IST1: variants seen among roughly 807,000 people sequenced by gnomAD.
IST1 encodes the protein IST1 factor associated with ESCRT-III, also known as IST1 homolog.
In IST1, 23 loss-of-function variants were observed where a neutral mutation model predicts 37.0. The ratio of observed to expected loss-of-function variants is 0.62; its 90% CI spans 0.45 to 0.88. The LOEUF (loss-of-function observed/expected upper bound fraction) is 0.88, where lower values mean the gene tolerates loss of function less well. Ranked by LOEUF, IST1 falls within the 40% of genes least tolerant of loss-of-function variation. IST1 has a pLI of 0.00. For missense variants in IST1, 488 were observed against 445.4 expected, an observed-to-expected ratio of 1.10 and a Z score of -0.86; for synonymous variants, 180 against 161.7, an observed-to-expected ratio of 1.11 and a Z score of -0.86.
At chr16:71,911,101 C>G (rs369701545) in intron 1 of IST1, among the ~76,000 whole-genome samples, 155 of 152,018 alleles carry the variant, frequency 1.0e-3, no homozygotes, top group South Asian at 8.5e-3. Flanking sequence ...ATTAGCTAGG[C>G]GTGGTGGTGT....
intron 9 of IST1, 148 bp downstream of exon 9, chr16:71,924,965 C>G: frequency 1.6e-6 from 1 of 609,594 alleles, no homozygotes. Context: ...AAATAGAACT[C>G]AGGATATCCT....
intron 1 of IST1, among the ~76,000 whole-genome samples, chr16:71,898,370 GAAAA>G (rs57871135): frequency 2.0e-5 from 2 of 100,854 alleles, no homozygotes; most frequent in Non-Finnish European, 3.8e-5. Context: ...CTCTCTCTCA[GAAAA>G]AAAAAAAAAA....
Position 71,930,029 on chromosome 16 carries a change from TA to T in IST1, c.*2217del. The T allele has an allele frequency of 1.9e-6, 3 of 1,541,636 alleles. No individual in the cohort carries two copies. The East Asian group carries it at 7.3e-5, about 38-fold the overall frequency. On this transcript the variant is annotated 3_prime_UTR_variant, in exon 10 of 10. Transcript: ENST00000378799. ...CTTTCCCAGTGATATAACAGCATGC[TA>T]GTTTATCTTTTAGTTACCTACCTTA...
intron 5 of IST1, 116 bp downstream of exon 5, chr16:71,920,938 A>G: frequency 7.6e-6 from 6 of 792,908 alleles, no homozygotes; most frequent in South Asian, 7.0e-5. Flanking sequence ...CACCTTTCAT[A>G]GTGGGGTGAG....
intron 1 of IST1, among the ~76,000 whole-genome samples, chr16:71,904,468 A>G (rs1407997995): frequency 6.6e-6 from 1 of 152,212 alleles, no homozygotes; most frequent in African/African-American, 2.4e-5. Context: ...TCTGGAGTGC[A>G]CTTGCACAAA....
chr16:71,915,387 C>T (rs529420728), intron 1 of IST1, among the ~76,000 whole-genome samples: 1 of 152,180 alleles, frequency 6.6e-6, no homozygotes, highest in Admixed American at 6.5e-5. Flanking sequence ...ATTACCATCT[C>T]TTGTCTGGAT....
intron 1 of IST1, chr16:71,903,187 T>A (rs565465366): frequency 6.6e-6 from 1 of 152,208 alleles, no homozygotes; most frequent in East Asian, 1.9e-4. Context: ...TGCTACATTG[T>A]CCAAGCTGGT....
At chr16:71,924,490 C>G (rs1306344933) in intron 8 of IST1, 10 of 536,896 alleles carry the variant, frequency 1.9e-5, no homozygotes, top group Non-Finnish European at 3.4e-6. Flanking sequence ...ATGCAGGAGG[C>G]TGAGGCGGGG....
At chr16:71,921,050 G>A (rs969288089) in intron 5 of IST1, 8 of 611,700 alleles carry the variant, frequency 1.3e-5, no homozygotes, top group South Asian at 1.1e-4. Flanking sequence ...TGTATGCCTC[G>A]TGTCATTTGT....
At chr16:71,909,679 G>A (rs1361327276) in intron 1 of IST1, among the ~76,000 whole-genome samples, 1 of 152,190 alleles carries the variant, frequency 6.6e-6, no homozygotes, top group Non-Finnish European at 1.5e-5. Context: ...AGTCTGGCAG[G>A]TATAATCTTA....
chr16:71,901,047 G>T (rs550603866), intron 1 of IST1, among the ~76,000 whole-genome samples: 2 of 152,240 alleles, frequency 1.3e-5, no homozygotes, highest in South Asian at 4.1e-4. Flanking sequence ...GTTTATGTTT[G>T]TTAATGTATA....
chr16:71,902,814 G>T (rs1450723484), intron 1 of IST1, among the ~76,000 whole-genome samples: 1 of 151,964 alleles, frequency 6.6e-6, no homozygotes, highest in Non-Finnish European at 1.5e-5. Context: ...TGTTATATAG[G>T]TATGTCAGTT....
intron 1 of IST1, among the ~76,000 whole-genome samples, chr16:71,909,331 C>CT (rs1343158493): frequency 6.6e-6 from 1 of 152,078 alleles, no homozygotes. Flanking sequence ...TTCTTGAACA[C>CT]CGGCCTCAAG....
chr16:71,919,812 T>C (rs758280746), intron 4 of IST1, among the ~76,000 whole-genome samples: 1 of 152,228 alleles, frequency 6.6e-6, no homozygotes, highest in Non-Finnish European at 1.5e-5. Context: ...CTTCCCTTGG[T>C]ATCACTTACT....
chr16:71,920,696 T>G, intron 4 of IST1, 43 bp from the exon 5 acceptor site: 1 of 1,396,336 alleles, frequency 7.2e-7, no homozygotes, highest in Non-Finnish European at 1.0e-6. Context: ...AGCAGTCCGT[T>G]GGAGTGGTCT....
rs189283739 is a variant in IST1, at chr16:71,902,559, C to T, written c.-16+6970C>T. On this transcript the variant is annotated intron_variant, in intron 1 of 9. Transcript: ENST00000378799. ...TGCTGGGATTATAGGCGTAAGCCAC[C>T]GCGCCCAGCCTAGATTCAATTTTTG... 8.5e-5 allele frequency among the ~76,000 whole-genome samples: 13 copies of T among 152,282 alleles called. No individual in the cohort carries two copies. The East Asian group carries it at 9.6e-4, about 11-fold the overall frequency.
chr16:71,919,981 G>A (rs545763516), intron 4 of IST1, among the ~76,000 whole-genome samples: 11 of 152,214 alleles, frequency 7.2e-5, no homozygotes, highest in East Asian at 3.9e-4. Flanking sequence ...AATGGCGAGC[G>A]CACACTGAAC....
chr16:71,925,982 A>T (rs1183065958), intron 9 of IST1, among the ~76,000 whole-genome samples: 1 of 151,886 alleles, frequency 6.6e-6, no homozygotes, highest in African/African-American at 2.4e-5. Context: ...CAGAGGGAAG[A>T]ATACTTTTAA....
rs777547556 is a variant in IST1, at chr16:71,922,648, A to C, written c.727A>C (p.Thr243Pro). 1 of 1,613,400 alleles carries C rather than the reference A, an allele frequency of 6.2e-7. No individual in the cohort carries two copies. Among genetic ancestry groups the C allele is most frequent in the Non-Finnish European group, 8.5e-7 (1 of 1,179,834 alleles). Residue 243 changes from threonine to proline, a missense_variant, in exon 7 of 10, where the codon ACG (threonine) becomes CCG (proline). By Grantham distance (38) the Thr-to-Pro change is conservative (BLOSUM62 -1). Coordinates refer to ENST00000378799, the MANE Select transcript of IST1 (RefSeq NM_001270975.2). ...PMPMPMPSAN[T>P]PFSYPLPKGP... ...GCCCATGCCTATGCCATCTGCAAAT[A>C]CGCCTTTCTCATATCCACTGCCAAA...
Sources: gnomAD v4.1 joint callset for allele counts (sites outside exome capture counted in the v4.1 genomes callset) on GRCh38, gnomAD v4.1.1 for gene constraint, MANE v1.5 for transcripts, NCBI Gene and HGNC (gene_info 2026-07-23, HGNC 2026-07-21) for gene names.